NANOGNB: variants seen among roughly 807,000 people sequenced by gnomAD.
NANOGNB encodes NANOG neighbor homeobox.
NANOGNB carries 30 observed loss-of-function variants against 25.0 expected under a neutral mutation model. The observed-to-expected ratio is 1.20, with a 90% CI of 0.90 to 1.63. The LOEUF (loss-of-function observed/expected upper bound fraction) is 1.63. Among genes scored for constraint, NANOGNB ranks in the 40% most tolerant of loss-of-function variants. The pLI, the probability that NANOGNB is intolerant of heterozygous loss-of-function variation, is 0.00. For missense variants in NANOGNB, 200 were observed against 188.1 expected, an observed-to-expected ratio of 1.06 and a Z score of -0.37; for synonymous variants, 84 against 62.1, an observed-to-expected ratio of 1.35 and a Z score of -1.66.
intron 2 of NANOGNB, 21 bp from the exon 3 acceptor site, chr12:7,770,418 C>A: frequency 6.5e-7 from 1 of 1,534,202 alleles, no homozygotes; most frequent in African/African-American, 1.4e-5. Flanking sequence ...TAATCACCTC[C>A]CACACCTCAT....
intron 3 of NANOGNB, 43 bp downstream of exon 3, chr12:7,770,561 T>G: frequency 4.4e-5 from 50 of 1,130,560 alleles, no homozygotes; most frequent in Non-Finnish European, 5.8e-5. Flanking sequence ...GTAGAAGGAA[T>G]ATATTGACTT....
At chr12:7,768,685 G>A (rs1377311874) in intron 1 of NANOGNB, among the ~76,000 whole-genome samples, 3 of 151,326 alleles carry the variant, frequency 2.0e-5, no homozygotes, top group African/African-American at 4.8e-5. Flanking sequence ...GGCACCCGCC[G>A]CCATGCCCCG....
chr12:7,769,784 C>T (rs1269792194), intron 1 of NANOGNB, among the ~76,000 whole-genome samples, 199 bp from the exon 2 acceptor site: 1 of 152,164 alleles, frequency 6.6e-6, no homozygotes, highest in Admixed American at 6.5e-5. Context: ...CCTCAGCCTC[C>T]GAAAGTGCTG....
Position 7,767,381 on chromosome 12 carries a change from GTTTTTTT to G in NANOGNB, c.102+2004_102+2010del, listed in dbSNP as rs63721661. The stretch of plus-strand genomic sequence containing the variant: ...ATAGAAGGATGTGGGTTACAAGAGG[GTTTTTTT>G]TTTTTTTTTCTAACAAAAGAAAACT... On this transcript the variant is annotated intron_variant, in intron 1 of 3. Coordinates refer to ENST00000382119, the MANE Select transcript of NANOGNB (RefSeq NM_001145465.1). 6.4e-5 allele frequency among the ~76,000 whole-genome samples: 9 copies of G among 140,266 alleles called. No individual in the cohort carries two copies. The South Asian group carries it at 1.6e-3, about 25-fold the overall frequency. The allele number at this position is 140,266 out of a possible 152,430, so 92.0% of individuals were successfully genotyped here. A position where few individuals can be genotyped will look rare whatever the true frequency, so the allele number is the denominator to read the frequency against.
At chr12:7,772,113 CA>C (rs1862573606) in intron 3 of NANOGNB, among the ~76,000 whole-genome samples, 1 of 152,148 alleles carries the variant, frequency 6.6e-6, no homozygotes, top group Non-Finnish European at 1.5e-5. Context: ...CAGAGTTGTG[CA>C]AAACAATGCA....
At chr12:7,771,998 A>G (rs948740098) in intron 3 of NANOGNB, among the ~76,000 whole-genome samples, 2 of 152,134 alleles carry the variant, frequency 1.3e-5, no homozygotes, top group Non-Finnish European at 2.9e-5. Flanking sequence ...CTGGTTACCA[A>G]CACCGAGGGA....
At chr12:7,766,236 C>G in intron 1 of NANOGNB, 1 of 398,436 alleles carries the variant, frequency 2.5e-6, no homozygotes, top group Non-Finnish European at 4.4e-6. Context: ...TTTGGGAGGC[C>G]AAGCGGGGCA....
At chr12:7,771,856 G>C (rs1862570665) in intron 3 of NANOGNB, among the ~76,000 whole-genome samples, 1 of 150,806 alleles carries the variant, frequency 6.6e-6, no homozygotes. Flanking sequence ...CCTAATCTCA[G>C]ATGGTCCGCC....
chr12:7,765,449 A>T, intron 1 of NANOGNB, 62 bp downstream of exon 1: 2 of 326,038 alleles, frequency 6.1e-6, no homozygotes, highest in Admixed American at 4.3e-5. Context: ...GGGCGCCTGT[A>T]GTCCTAGCTA....
intron 1 of NANOGNB, among the ~76,000 whole-genome samples, chr12:7,767,121 G>A (rs959739997): frequency 4.6e-5 from 7 of 152,150 alleles, no homozygotes; most frequent in Admixed American, 1.3e-4. Context: ...GATTACAGGC[G>A]GGAACCACCG....
intron 3 of NANOGNB, among the ~76,000 whole-genome samples, chr12:7,771,643 CAG>C (rs1486168652): frequency 7.2e-5 from 11 of 151,744 alleles, no homozygotes; most frequent in Admixed American, 7.2e-4. Context: ...TTTTGTGAGA[CAG>C]AGTCTCACTC....
chr12:7,767,267 C>T (rs1565471078), intron 1 of NANOGNB, among the ~76,000 whole-genome samples: 1 of 152,088 alleles, frequency 6.6e-6, no homozygotes, highest in African/African-American at 2.4e-5. Context: ...AAATCACCAA[C>T]AGGCAAAGAA....
intron 1 of NANOGNB, among the ~76,000 whole-genome samples, chr12:7,769,651 C>T (rs747322435): frequency 1.2e-4 from 19 of 152,004 alleles, no homozygotes; most frequent in Middle Eastern, 3.4e-3. Context: ...CTCAGCCTCC[C>T]GAGTAGCATG....
intron 3 of NANOGNB, among the ~76,000 whole-genome samples, chr12:7,771,281 C>T (rs1352413683): frequency 5.9e-5 from 9 of 152,222 alleles, no homozygotes; most frequent in Non-Finnish European, 8.8e-5. Context: ...AGTGCAGTGG[C>T]GCGATCTCGG....
chr12:7,773,691 C>A, intron 3 of NANOGNB, 109 bp from the exon 4 acceptor site: 1 of 458,774 alleles, frequency 2.2e-6, no homozygotes, highest in Non-Finnish European at 3.8e-6. Context: ...TGCCATTGCA[C>A]TCCAGCTTGG....
chr12:7,768,614 G>T (rs575182979), intron 1 of NANOGNB, among the ~76,000 whole-genome samples: 5 of 151,804 alleles, frequency 3.3e-5, no homozygotes, highest in Non-Finnish European at 7.4e-5. Flanking sequence ...CTCACTGCAA[G>T]CTCCGCCTCC....
At position 7,771,283 on chromosome 12, in the gene NANOGNB, C is replaced by T. The variant is rs148597261; in HGVS notation, c.515+765C>T. ...TCGCCCAGGCTGGAGTGCAGTGGCG[C>T]GATCTCGGCTCACTGCAAGCTCCGC... On this transcript the variant is annotated intron_variant, in intron 3 of 3. Coordinates refer to ENST00000382119, the MANE Select transcript of NANOGNB (RefSeq NM_001145465.1). 6.5e-3 allele frequency among the ~76,000 whole-genome samples: 978 copies of T among 151,308 alleles called. 7 individuals carry two copies. The highest frequency in any genetic ancestry group is 0.038 in the East Asian group (192 of 5,056).
Position 7,770,333 on chromosome 12 carries a change from G to C in NANOGNB, c.435+18G>C. 1 of 1,521,696 alleles carries C rather than the reference G, an allele frequency of 6.6e-7. No individual in the cohort carries two copies. The highest frequency in any genetic ancestry group is 1.3e-5 in the South Asian group (1 of 78,100). The allele number at this position is 1,521,696 out of a possible 1,614,324, so 94.3% of individuals were successfully genotyped here. On this transcript the variant is annotated intron_variant, in intron 2 of 3. Coordinates refer to ENST00000382119, the MANE Select transcript of NANOGNB (RefSeq NM_001145465.1). Reference sequence around the variant, plus strand: ...ATAAACAGGTATGACAACATTAATAGACATTTCTTCATTGATAGACAAAGT... The same window carrying C: ...ATAAACAGGTATGACAACATTAATACACATTTCTTCATTGATAGACAAAGT...
At chr12:7,770,683 G>C (rs1042745369) in intron 3 of NANOGNB, among the ~76,000 whole-genome samples, 165 bp downstream of exon 3, 2 of 152,098 alleles carry the variant, frequency 1.3e-5, no homozygotes, top group African/African-American at 4.8e-5. Context: ...CGCCATCTCG[G>C]CTCACCGCAC....
Sources: gnomAD v4.1 joint callset for allele counts (sites outside exome capture counted in the v4.1 genomes callset) on GRCh38, gnomAD v4.1.1 for gene constraint, MANE v1.5 for transcripts, NCBI Gene and HGNC (gene_info 2026-07-23, HGNC 2026-07-21) for gene names.